USP28: variants seen among roughly 807,000 people sequenced by gnomAD.
The protein encoded by USP28 is ubiquitin specific peptidase 28, also known as ubiquitin carboxyl-terminal hydrolase 28.
USP28 carries 113 observed loss-of-function variants against 145.0 expected under a neutral mutation model. The ratio of observed to expected loss-of-function variants is 0.78; its 90% CI spans 0.67 to 0.91. USP28 has a LOEUF of 0.91. USP28 is among the 40% of genes least tolerant of loss of function. USP28 has a pLI of 0.00. For missense variants in USP28, 1,201 were observed against 1,289.6 expected, an observed-to-expected ratio of 0.93 and a Z score of 1.05; for synonymous variants, 447 against 450.9, an observed-to-expected ratio of 0.99 and a Z score of 0.11.
intron 1 of USP28, among the ~76,000 whole-genome samples, chr11:113,866,562 A>G (rs1343848405): frequency 6.6e-6 from 1 of 152,238 alleles, no homozygotes; most frequent in Admixed American, 6.5e-5. Context: ...TAGCCATAAC[A>G]TTAACATGGC....
At chr11:113,830,880 T>C (rs1245567700) in exon 9 of USP28, 2 of 1,613,918 alleles carry the variant, frequency 1.2e-6, no homozygotes, top group South Asian at 1.1e-5. Context: ...CACGAACCCC[T>C]TCAGTCAGGA....
intron 3 of USP28, among the ~76,000 whole-genome samples, chr11:113,847,897 A>G (rs1189430805): frequency 6.6e-6 from 1 of 152,206 alleles, no homozygotes; most frequent in Non-Finnish European, 1.5e-5. Flanking sequence ...CCCCTCATAC[A>G]ACATGACTGT....
chr11:113,815,103 G>C (rs1941527513), intron 14 of USP28, 71 bp downstream of exon 14: 2 of 1,344,708 alleles, frequency 1.5e-6, no homozygotes, highest in Non-Finnish European at 1.0e-6. Context: ...AGTGTACCGA[G>C]GTGCTTAACC....
chr11:113,868,822 C>A (rs556601674), intron 1 of USP28, among the ~76,000 whole-genome samples: 3 of 150,384 alleles, frequency 2.0e-5, no homozygotes, highest in Non-Finnish European at 2.9e-5. Flanking sequence ...ACTCTGTAGG[C>A]TGAGGTAGGA....
At chr11:113,833,503 T>C in exon 7 of USP28, 1 of 1,614,198 alleles carries the variant, frequency 6.2e-7, no homozygotes, top group Non-Finnish European at 8.5e-7. Context: ...TTTGATCCCA[T>C]CATTAGAGCA....
chr11:113,821,291 G>A (rs181895069), intron 12 of USP28: 42 of 223,880 alleles, frequency 1.9e-4, no homozygotes, highest in East Asian at 3.3e-4. Context: ...GCACATCTCC[G>A]CTGTAGCTGA....
chr11:113,829,872 C>T (rs1359884055), intron 9 of USP28, among the ~76,000 whole-genome samples: 1 of 149,446 alleles, frequency 6.7e-6, no homozygotes, highest in Admixed American at 6.7e-5. Flanking sequence ...ACATTATGTA[C>T]TTCCTAATCA....
Position 113,833,419 on chromosome 11 carries a change from C to T in USP28, c.759+1G>A. ...ACTCAAGAACAAGGCTTCTTTTGTA[C>T]CTGCTGTTCCTCAGATGATCGGAAT... On this transcript the variant is annotated splice_donor_variant, in intron 7 of 24. Coordinates refer to ENST00000003302, the Ensembl canonical transcript of USP28. LOFTEE classifies it high-confidence loss of function. 1 of 1,609,196 alleles carries T rather than the reference C, an allele frequency of 6.2e-7. No individual in the cohort carries two copies. Among genetic ancestry groups the T allele is most frequent in the Non-Finnish European group, 8.5e-7 (1 of 1,179,088 alleles).
intron 21 of USP28, 53 bp downstream of exon 22, chr11:113,804,620 T>C: frequency 6.5e-7 from 1 of 1,526,898 alleles, no homozygotes; most frequent in East Asian, 2.3e-5. Flanking sequence ...TCAGGTACCA[T>C]TTACCTCAGG....
rs1944706129 is a variant in USP28 at position 113,837,541 on chromosome 11, G to A, written c.534+3057C>T. ...CTTCTTTGTGTCCAATTACCTGCAG[G>A]ATATCTGTTCTTTGACTTCAGCAGG... On this transcript the variant is annotated intron_variant, in intron 5 of 24. Transcript: ENST00000003302. Among the ~76,000 whole-genome samples, 3 of 152,116 alleles carry A rather than the reference G, an allele frequency of 2.0e-5. No individual in the cohort carries two copies. In the South Asian group the frequency reaches 6.2e-4, roughly 31 times the overall value.
At chr11:113,859,364 C>T (rs1266887008) in intron 1 of USP28, 1 of 152,108 alleles carries the variant, frequency 6.6e-6, no homozygotes, top group Non-Finnish European at 1.5e-5. Context: ...TTGAGCAGTA[C>T]ATTAACTAAA....
intron 11 of USP28, among the ~76,000 whole-genome samples, chr11:113,825,641 A>G (rs1320966995): frequency 1.3e-5 from 2 of 152,226 alleles, no homozygotes; most frequent in East Asian, 3.8e-4. Context: ...ATTACAATAG[A>G]ATATTACTCA....
At position 113,804,849 on chromosome 11, in the gene USP28, C is replaced by T. The variant is rs147126796; in HGVS notation, c.2579+19G>A. The T allele has an allele frequency of 5.0e-6, 8 of 1,612,162 alleles. No homozygotes were observed. In the East Asian group the frequency reaches 1.8e-4, roughly 36 times the overall value. The stretch of plus-strand genomic sequence containing the variant: ...GCCCAACCCAGACCAAGGGATTCAC[C>T]TGAATATTCTCTTCTCACCTTTCAT... On this transcript the variant is annotated intron_variant, in intron 20 of 24. Transcript: ENST00000003302.
At chr11:113,797,889 T>C (rs1938201576) in exon 25 of USP28, 1 of 152,598 alleles carries the variant, frequency 6.6e-6, no homozygotes, top group Admixed American at 6.6e-5. Context: ...ACAAATACTT[T>C]TATTGCACAT....
At chr11:113,866,513 T>C (rs138816743) in intron 1 of USP28, among the ~76,000 whole-genome samples, 2 of 152,094 alleles carry the variant, frequency 1.3e-5, no homozygotes, top group African/African-American at 2.4e-5. Context: ...CCAAAGAAGA[T>C]ATATAAATAG....
At chr11:113,803,402 A>G in intron 22 of USP28, 121 bp from the exon 24 acceptor site, 2 of 1,156,426 alleles carry the variant, frequency 1.7e-6, no homozygotes, top group Non-Finnish European at 2.4e-6. Context: ...GTGAAGGACC[A>G]AAGACCGTAG....
At chr11:113,807,112 G>A (rs558195805) in intron 18 of USP28, among the ~76,000 whole-genome samples, 42 of 150,812 alleles carry the variant, frequency 2.8e-4, no homozygotes, top group South Asian at 2.7e-3. Flanking sequence ...TCGCTCTGTC[G>A]CCCAGGCTGG....
intron 1 of USP28, among the ~76,000 whole-genome samples, chr11:113,869,590 C>T (rs1329061744): frequency 6.6e-6 from 1 of 151,934 alleles, no homozygotes; most frequent in East Asian, 1.9e-4. Flanking sequence ...AACCCTATCT[C>T]AAAAAACAAA....
chr11:113,836,915 C>T (rs1944626628), intron 5 of USP28, among the ~76,000 whole-genome samples: 1 of 152,158 alleles, frequency 6.6e-6, no homozygotes, highest in Admixed American at 6.5e-5. Flanking sequence ...CTGAACACAC[C>T]AAGCCCATTC....
Sources: allele counts gnomAD v4.1 joint callset (sites outside exome capture counted in the v4.1 genomes callset), GRCh38; gene constraint gnomAD v4.1.1; transcripts MANE v1.5; gene names NCBI Gene and HGNC (gene_info 2026-07-23, HGNC 2026-07-21).